The following FAT3 variants were observed in gnomAD, a reference collection of about 807,000 sequenced individuals.
The protein encoded by FAT3 is protocadherin Fat 3.
Under a neutral mutation model 310.2 loss-of-function variants are expected in FAT3, and 95 were observed. The ratio of observed to expected loss-of-function variants is 0.31; its 90% CI spans 0.26 to 0.36. The LOEUF is 0.36. FAT3 is among the 10% of genes least tolerant of loss of function. The probability of loss-of-function intolerance (pLI) is 1.00; values close to 1 mark genes in which losing one functional copy is unlikely to be tolerated. For synonymous variants in FAT3, 2,314 were observed against 2,192.9 expected (o/e 1.06, Z -1.54); for missense variants, 5,408 against 5,715.6 (o/e 0.95, Z 1.74).
chr11:92,515,590 A>C (rs1370962865), intron 2 of FAT3, among the ~76,000 whole-genome samples: 1 of 152,108 alleles, frequency 6.6e-6, no homozygotes, highest in African/African-American at 2.4e-5. Context: ...CTGACAAACT[A>C]AAGTTTGAGA....
intron 3 of FAT3, among the ~76,000 whole-genome samples, chr11:92,666,749 T>G (rs950023351): frequency 6.6e-6 from 1 of 152,010 alleles, no homozygotes. Context: ...GGCATAGCAC[T>G]GTGGTGGGTG....
intron 14 of FAT3, among the ~76,000 whole-genome samples, chr11:92,832,737 G>C (rs965207642): frequency 6.6e-6 from 1 of 152,174 alleles, no homozygotes; most frequent in Non-Finnish European, 1.5e-5. Flanking sequence ...ATGTGCACAT[G>C]TTGGAAAATG....
intron 1 of FAT3, among the ~76,000 whole-genome samples, chr11:92,333,211 T>C (rs1389201978): frequency 6.6e-6 from 1 of 152,152 alleles, no homozygotes; most frequent in Non-Finnish European, 1.5e-5. Flanking sequence ...ATAGCTGCCT[T>C]AGGTCATTCA....
intron 1 of FAT3, among the ~76,000 whole-genome samples, chr11:92,308,361 G>A (rs1377275278): frequency 1.3e-5 from 2 of 152,078 alleles, no homozygotes; most frequent in Non-Finnish European, 2.9e-5. Flanking sequence ...CATGAGAATG[G>A]TTTCTTTTTT....
At position 92,836,640 on chromosome 11, in the gene FAT3, T is replaced by C. The variant is rs568371690; in HGVS notation, c.10161T>C (p.Asn3387=). The change falls in exon 16 of 28, where the codon AAT becomes AAC. Residue 3387 remains asparagine (N), a synonymous_variant. Transcript: ENST00000525166. ...HFSIVNGDRD[N]EFTVDPVLGL... ...CCATTGTGAATGGAGATCGGGACAA[T>C]GAATTTACTGTAGATCCTGTCTTGG... 7 of 1,613,642 alleles carry C rather than the reference T, an allele frequency of 4.3e-6. No individual in the cohort carries two copies. The highest frequency in any genetic ancestry group is 5.9e-6 in the Non-Finnish European group (7 of 1,179,768).
chr11:92,847,500 T>A (rs1015348593), intron 19 of FAT3, among the ~76,000 whole-genome samples: 1 of 152,186 alleles, frequency 6.6e-6, no homozygotes, highest in Admixed American at 6.5e-5. Flanking sequence ...ATGACCGTAA[T>A]GTGATTTTCC....
At chr11:92,608,178 C>T (rs1024069910) in intron 3 of FAT3, among the ~76,000 whole-genome samples, 16 of 152,046 alleles carry the variant, frequency 1.1e-4, no homozygotes, top group Non-Finnish European at 1.6e-4. Flanking sequence ...GTCATCACTG[C>T]CTTTTTGTTG....
chr11:92,290,421 CT>C (rs1402295371), intron 1 of FAT3, among the ~76,000 whole-genome samples: 1 of 152,098 alleles, frequency 6.6e-6, no homozygotes, highest in Non-Finnish European at 1.5e-5. Context: ...GCACAATCTG[CT>C]TTTTCATGGC....
chr11:92,538,420 C>T (rs1954331058), intron 3 of FAT3, among the ~76,000 whole-genome samples: 1 of 152,134 alleles, frequency 6.6e-6, no homozygotes, highest in Non-Finnish European at 1.5e-5. Context: ...AATGGGTATA[C>T]TAACTGAGAT....
intron 3 of FAT3, among the ~76,000 whole-genome samples, chr11:92,677,333 T>A (rs752196877): frequency 2.7e-4 from 41 of 152,150 alleles, no homozygotes; most frequent in Non-Finnish European, 5.7e-4. Context: ...AAGTAAGAGA[T>A]CCTTGCCCGG....
intron 3 of FAT3, among the ~76,000 whole-genome samples, chr11:92,549,514 C>A (rs1360709302): frequency 3.3e-5 from 5 of 152,148 alleles, no homozygotes; most frequent in Non-Finnish European, 5.9e-5. Context: ...TGCAGTGAGA[C>A]TCAGTTTATG....
chr11:92,827,553 T>G (rs1293838226), intron 13 of FAT3, among the ~76,000 whole-genome samples: 1 of 152,210 alleles, frequency 6.6e-6, no homozygotes, highest in African/African-American at 2.4e-5. Flanking sequence ...CTTCCAGTAC[T>G]AGACCACATT....
chr11:92,387,676 G>C (rs1949657321), intron 2 of FAT3, among the ~76,000 whole-genome samples: 1 of 152,112 alleles, frequency 6.6e-6, no homozygotes, highest in South Asian at 2.1e-4. Context: ...GGAATGGTGA[G>C]ACCTTTTATC....
chr11:92,797,741 C>G, intron 9 of FAT3, 95 bp from the exon 10 acceptor site: 1 of 1,057,020 alleles, frequency 9.5e-7, no homozygotes, highest in East Asian at 2.4e-5. Context: ...TTCTACTTGC[C>G]ACATTGCAGT....
intron 8 of FAT3, 84 bp downstream of exon 8, chr11:92,790,302 C>T (rs1283165813): frequency 7.3e-7 from 1 of 1,376,862 alleles, no homozygotes; most frequent in Non-Finnish European, 9.8e-7. Flanking sequence ...GTATAGGGCC[C>T]CTAAATTTTA....
chr11:92,742,582 C>A (rs574964821), intron 4 of FAT3, among the ~76,000 whole-genome samples: 2 of 152,308 alleles, frequency 1.3e-5, no homozygotes, highest in East Asian at 3.9e-4. Flanking sequence ...GCTGTGCCTT[C>A]GTGGATGGAT....
intron 3 of FAT3, among the ~76,000 whole-genome samples, chr11:92,546,035 C>T (rs1323263919): frequency 2.6e-5 from 4 of 152,174 alleles, no homozygotes; most frequent in Admixed American, 6.5e-5. Context: ...TTTTTCCATA[C>T]GTTGTTTATA....
intron 10 of FAT3, among the ~76,000 whole-genome samples, chr11:92,804,256 AT>A (rs1380596627): frequency 6.6e-6 from 1 of 151,966 alleles, no homozygotes; most frequent in Non-Finnish European, 1.5e-5. Flanking sequence ...GAATGCCCAA[AT>A]AAATGAAATA....
intron 1 of FAT3, among the ~76,000 whole-genome samples, chr11:92,233,431 C>T (rs1435129706): frequency 6.6e-6 from 1 of 152,054 alleles, no homozygotes; most frequent in African/African-American, 2.4e-5. Flanking sequence ...TCTTCAGGCC[C>T]GTGTCATTGT....
Sources: gnomAD v4.1 joint callset for allele counts (sites outside exome capture counted in the v4.1 genomes callset) on GRCh38, gnomAD v4.1.1 for gene constraint, MANE v1.5 for transcripts, NCBI Gene and HGNC (gene_info 2026-07-23, HGNC 2026-07-21) for gene names.